TIAL1: variants seen among roughly 807,000 people sequenced by gnomAD.
The protein encoded by TIAL1 is nucleolysin TIAR.
In TIAL1, 7 loss-of-function variants were observed where a neutral mutation model predicts 59.7. The observed-to-expected ratio is 0.12, with a 90% CI of 0.07 to 0.22. The LOEUF is 0.22. Ranked by LOEUF, TIAL1 falls within the 10% of genes least tolerant of loss-of-function variation. The pLI is 1.00. For synonymous variants in TIAL1, 149 were observed against 146.3 expected (o/e 1.02, Z -0.13); for missense variants, 225 against 462.5 (o/e 0.49, Z 4.71).
At chr10:119,580,345 G>A (rs899859006) in intron 5 of TIAL1, 3 of 315,928 alleles carry the variant, frequency 9.5e-6, no homozygotes, top group African/African-American at 4.4e-5. Flanking sequence ...ATAAATTACT[G>A]TAACAATACT....
At position 119,596,818 on chromosome 10, in the gene TIAL1, C is replaced by A; in HGVS notation, c.-353G>T. 1 of 315,116 alleles carries A rather than the reference C, an allele frequency of 3.2e-6. No individual in the cohort carries two copies. Among genetic ancestry groups the A allele is most frequent in the Non-Finnish European group, 6.0e-6 (1 of 166,376 alleles). 19.5% of individuals were successfully genotyped at this position (315,116 alleles called of 1,614,324 possible). ...GCCGCCGAGGAAACCCTGGGACCCG[C>A]TCACGACGGATCACGTCGTCGCTGT... is the stretch of plus-strand genomic sequence containing the variant. On this transcript the variant is annotated 5_prime_UTR_variant, in exon 1 of 12. Coordinates refer to ENST00000436547, the MANE Select transcript of TIAL1 (RefSeq NM_003252.4).
chr10:119,579,737 T>C (rs1845213590), intron 6 of TIAL1, among the ~76,000 whole-genome samples, 198 bp downstream of exon 6: 1 of 152,202 alleles, frequency 6.6e-6, no homozygotes, highest in Non-Finnish European at 1.5e-5. Context: ...AGTATAATCA[T>C]TCTTTTTCTA....
In TIAL1 at chr10:119,573,781, T is replaced by G. The variant is rs984245682; in HGVS notation, c.*1884A>C. 1 of 152,234 alleles carries G rather than the reference T, an allele frequency of 6.6e-6. No individual in the cohort carries two copies. Among genetic ancestry groups the G allele is most frequent in the Non-Finnish European group, 1.5e-5 (1 of 68,040 alleles). 9.4% of individuals were successfully genotyped at this position (152,234 alleles called of 1,614,324 possible). A position where few individuals can be genotyped will look rare whatever the true frequency, so the allele number is the denominator to read the frequency against. On this transcript the variant is annotated 3_prime_UTR_variant, in exon 12 of 12. Transcript: ENST00000436547. ...TATAAACAAAAGAAATAAGGGTATA[T>G]TTTATAACAGAAGAGTGTAATAGAT...
chr10:119,588,064 A>G (rs1395943585), intron 2 of TIAL1, 88 bp downstream of exon 2: 1 of 726,164 alleles, frequency 1.4e-6, no homozygotes, highest in Non-Finnish European at 2.1e-6. Context: ...CTCCACCAGA[A>G]TAACTTGAGG....
intron 10 of TIAL1, 66 bp downstream of exon 10, chr10:119,577,014 T>C (rs1291575229): frequency 2.5e-6 from 4 of 1,572,744 alleles, no homozygotes; most frequent in South Asian, 1.2e-5. Flanking sequence ...TTTTACAGAG[T>C]TTCCAAAGCT....
At chr10:119,577,613 G>C (rs760263647) in intron 8 of TIAL1, 28 bp downstream of exon 8, 1 of 1,608,500 alleles carries the variant, frequency 6.2e-7, no homozygotes, top group South Asian at 1.1e-5. Flanking sequence ...AAGCTCCTCA[G>C]AGGTGATTAG....
Position 119,596,961 on chromosome 10 carries a change from C to T in TIAL1, c.-496G>A, listed in dbSNP as rs1178725376. On this transcript the variant is annotated 5_prime_UTR_variant, in exon 1 of 12. Coordinates refer to ENST00000436547, the MANE Select transcript of TIAL1 (RefSeq NM_003252.4). Reference sequence around the variant, plus strand: ...CTGGAAATGAGAGAGGGAAGCACTTCTGCAGAGGACTTCTGGAACCTGTGG... The same window carrying T: ...CTGGAAATGAGAGAGGGAAGCACTTTTGCAGAGGACTTCTGGAACCTGTGG... The T allele has an allele frequency of 5.8e-6, 1 of 171,312 alleles. No individual in the cohort carries two copies. The highest frequency in any genetic ancestry group is 2.4e-5 in the African/African-American group (1 of 41,558). 10.6% of individuals were successfully genotyped at this position (171,312 alleles called of 1,614,324 possible).
intron 5 of TIAL1, 50 bp downstream of exon 5, chr10:119,581,872 A>G: frequency 7.5e-7 from 1 of 1,334,702 alleles, no homozygotes. Context: ...AGTTAATCAT[A>G]TACAATTCTG....
intron 9 of TIAL1, 60 bp downstream of exon 9, chr10:119,577,391 A>C (rs556285440): frequency 1.5e-5 from 23 of 1,528,722 alleles, no homozygotes; most frequent in Non-Finnish European, 8.9e-7. Context: ...CCTGGAGAAC[A>C]TAAGTGAAAG....
At chr10:119,594,354 TAA>T (rs1188604990) in intron 1 of TIAL1, among the ~76,000 whole-genome samples, 3 of 152,118 alleles carry the variant, frequency 2.0e-5, no homozygotes, top group Non-Finnish European at 2.9e-5. Context: ...CAAAGATAAA[TAA>T]AAGACATCAA....
At chr10:119,590,762 G>GAGAAAGAGAGAAAGAAAGAA (rs1446023630) in intron 1 of TIAL1, among the ~76,000 whole-genome samples, 77 of 125,392 alleles carry the variant, frequency 6.1e-4, no homozygotes, top group Non-Finnish European at 8.4e-4. Flanking sequence ...GAGAGAAAGA[G>GAGAAAGAGAGAAAGAAAGAA]AGAAAGAAAG....
chr10:119,577,327 G>GT, intron 9 of TIAL1, 124 bp from the exon 10 acceptor site: 1 of 1,433,468 alleles, frequency 7.0e-7, no homozygotes, highest in South Asian at 1.4e-5. Context: ...ACATTAGGTA[G>GT]GTAGCTTAAA....
At chr10:119,596,349 G>T (rs929118537) in intron 1 of TIAL1, 85 bp downstream of exon 1, 4 of 1,502,398 alleles carry the variant, frequency 2.7e-6, no homozygotes, top group Middle Eastern at 3.4e-4. Context: ...TCCCGGCTTC[G>T]GCCCAGTCTC....
rs750233158 is a variant in TIAL1 at position 119,582,235 on chromosome 10, G to C, written c.229-12C>G. ...TTTACTTTGACCTCCTAAAAATAAA[G>C]ATTATATTTAATAAAATTATTAGGC... On this transcript the variant is annotated splice_polypyrimidine_tract_variant and intron_variant, in intron 3 of 11. Transcript: ENST00000436547. This position sits in a 1 kb window ranked among gnomAD's most constrained non-coding sequence, Gnocchi z 5.1. The C allele has an allele frequency of 6.3e-7, 1 of 1,575,630 alleles. No homozygotes were observed. The highest frequency in any genetic ancestry group is 8.6e-7 in the Non-Finnish European group (1 of 1,164,142).
At chr10:119,578,056 C>A (rs1248800493) in intron 7 of TIAL1, among the ~76,000 whole-genome samples, 1 of 151,982 alleles carries the variant, frequency 6.6e-6, no homozygotes, top group South Asian at 2.1e-4. Flanking sequence ...GAAACCCTGT[C>A]TCTACTAAAA....
chr10:119,593,376 C>A, intron 1 of TIAL1: 1 of 712,596 alleles, frequency 1.4e-6, no homozygotes, highest in Non-Finnish European at 1.7e-6. Flanking sequence ...GGCTCAACAT[C>A]AAAGCAATTC....
chr10:119,583,116 T>C (rs1040841324), intron 2 of TIAL1, among the ~76,000 whole-genome samples: 3 of 151,968 alleles, frequency 2.0e-5, no homozygotes, highest in African/African-American at 7.2e-5. Flanking sequence ...AGAATGAAAA[T>C]AAAAACAAGA....
rs1341736850 is a variant in TIAL1 at position 119,582,120 on chromosome 10, T to C, written c.283+49A>G. 37 of 1,598,790 alleles carry C rather than the reference T, an allele frequency of 2.3e-5. No individual in the cohort carries two copies. The highest frequency in any genetic ancestry group is 3.2e-5 in the Non-Finnish European group (37 of 1,173,386). Reference sequence around the variant, plus strand: ...ACCTATTTAAGCTGGTAATGCCTCCTGGATAATTTCAGAACTCTTCCACAG... The same window carrying C: ...ACCTATTTAAGCTGGTAATGCCTCCCGGATAATTTCAGAACTCTTCCACAG... On this transcript the variant is annotated intron_variant, in intron 4 of 11. Coordinates refer to ENST00000436547, the MANE Select transcript of TIAL1 (RefSeq NM_003252.4). The surrounding 1 kb of genome is among the most constrained non-coding windows in gnomAD (Gnocchi z 5.1).
At position 119,577,205 on chromosome 10, in the gene TIAL1, T is replaced by A; in HGVS notation, c.738-2A>T. 6.3e-7 allele frequency: 1 copy of A among 1,592,022 alleles called. No homozygotes were observed. The highest frequency in any genetic ancestry group is 8.5e-7 in the Non-Finnish European group (1 of 1,174,362). On this transcript the variant is annotated splice_acceptor_variant, in intron 9 of 11. Coordinates refer to ENST00000436547, the MANE Select transcript of TIAL1 (RefSeq NM_003252.4). LOFTEE classifies it high-confidence loss of function. ...GCTGCACTTTCATGGGTTGAAAATCTAAGAAAGAAAAATGATATGGTTTTG... is the reference window on the plus strand; with the variant it reads ...GCTGCACTTTCATGGGTTGAAAATCAAAGAAAGAAAAATGATATGGTTTTG...
Sources: gnomAD v4.1 joint callset for allele counts (sites outside exome capture counted in the v4.1 genomes callset) on GRCh38, gnomAD v4.1.1 for gene constraint, Gnocchi (gnomAD v3.1) non-coding constraint, MANE v1.5 for transcripts, NCBI Gene and HGNC (gene_info 2026-07-23, HGNC 2026-07-21) for gene names.